Variants in IMMP2L observed in about 807,000 individuals in gnomAD.
The protein encoded by IMMP2L is mitochondrial inner membrane protease subunit 2.
In IMMP2L, 18 loss-of-function variants were observed where a neutral mutation model predicts 19.3. The observed-to-expected ratio is 0.93, with a 90% CI of 0.64 to 1.38. The LOEUF (loss-of-function observed/expected upper bound fraction) is 1.38. IMMP2L is among the 40% of genes most tolerant of loss of function. The pLI is 0.00. For synonymous variants in IMMP2L, 76 were observed against 73.0 expected (o/e 1.04, Z -0.21); for missense variants, 233 against 218.2 (o/e 1.07, Z -0.43).
At chr7:111,541,096 G>A (rs1459293397) in intron 1 of IMMP2L, among the ~76,000 whole-genome samples, 1 of 152,178 alleles carries the variant, frequency 6.6e-6, no homozygotes, top group African/African-American at 2.4e-5. Context: ...AATTTGAATA[G>A]ATGACCTTAG....
chr7:110,859,358 G>A (rs901647781), intron 5 of IMMP2L, among the ~76,000 whole-genome samples: 3 of 151,922 alleles, frequency 2.0e-5, no homozygotes, highest in African/African-American at 7.3e-5. Flanking sequence ...AAAATGTTAG[G>A]AATTCCGATA....
chr7:111,162,620 C>T (rs528628861), intron 3 of IMMP2L, among the ~76,000 whole-genome samples: 1 of 151,652 alleles, frequency 6.6e-6, no homozygotes, highest in South Asian at 2.1e-4. Flanking sequence ...AGGAGGATTC[C>T]AGATTTTGAG....
At chr7:111,240,538 C>T (rs1025770288) in intron 3 of IMMP2L, among the ~76,000 whole-genome samples, 2 of 151,828 alleles carry the variant, frequency 1.3e-5, no homozygotes, top group Admixed American at 6.6e-5. Context: ...GCAAATAAAA[C>T]GAAGAAGAAC....
intron 5 of IMMP2L, among the ~76,000 whole-genome samples, chr7:110,704,329 T>C (rs1173465760): frequency 6.6e-6 from 1 of 152,254 alleles, no homozygotes. Context: ...ATAATTTCCC[T>C]TAGGAATATC....
intron 3 of IMMP2L, among the ~76,000 whole-genome samples, chr7:111,227,917 C>T (rs114052487): frequency 0.019 from 2,899 of 152,012 alleles, 94 homozygotes; most frequent in African/African-American, 0.066. Context: ...TTTCAAAAAC[C>T]ACTTCTACTA....
At chr7:111,547,689 G>A (rs1849061676) in intron 1 of IMMP2L, among the ~76,000 whole-genome samples, 1 of 150,954 alleles carries the variant, frequency 6.6e-6, no homozygotes, top group Non-Finnish European at 1.5e-5. Context: ...CTGAGTAGCT[G>A]GGACTACCCA....
intron 5 of IMMP2L, among the ~76,000 whole-genome samples, chr7:110,865,040 T>G (rs1437043083): frequency 6.6e-6 from 1 of 152,062 alleles, no homozygotes; most frequent in Non-Finnish European, 1.5e-5. Flanking sequence ...TTTAGGATGT[T>G]CAAATATTTA....
At chr7:111,528,251 T>C (rs763319242) in intron 1 of IMMP2L, among the ~76,000 whole-genome samples, 2 of 152,112 alleles carry the variant, frequency 1.3e-5, no homozygotes, top group African/African-American at 2.4e-5. Context: ...CAGTAATAAG[T>C]ACCTAGCCCC....
At chr7:111,357,970 G>C (rs1828879888) in intron 3 of IMMP2L, among the ~76,000 whole-genome samples, 1 of 151,734 alleles carries the variant, frequency 6.6e-6, no homozygotes. Context: ...GCAAGCCACA[G>C]CAAGCCAAGG....
At chr7:111,140,392 G>T (rs1802758427) in intron 3 of IMMP2L, among the ~76,000 whole-genome samples, 2 of 152,264 alleles carry the variant, frequency 1.3e-5, no homozygotes, top group South Asian at 4.2e-4. Context: ...ACAAGATCAT[G>T]TCTTCCTGAG....
intron 5 of IMMP2L, among the ~76,000 whole-genome samples, chr7:110,814,353 A>C (rs1802286539): frequency 6.6e-6 from 1 of 151,830 alleles, no homozygotes. Context: ...ATTATGACTA[A>C]ACAATAGCTG....
intron 2 of IMMP2L, among the ~76,000 whole-genome samples, chr7:111,515,625 GTT>G (rs1277112633): frequency 1.3e-5 from 2 of 152,080 alleles, no homozygotes; most frequent in Non-Finnish European, 2.9e-5. Context: ...CATTTTTAAA[GTT>G]TTTAATGTTT....
intron 3 of IMMP2L, among the ~76,000 whole-genome samples, chr7:111,003,865 T>C (rs1027893834): frequency 2.6e-5 from 4 of 152,216 alleles, no homozygotes; most frequent in African/African-American, 9.6e-5. Flanking sequence ...CCATTGAATG[T>C]ATATCTAATT....
intron 3 of IMMP2L, among the ~76,000 whole-genome samples, chr7:111,032,658 C>T (rs1790945469): frequency 6.6e-6 from 1 of 152,090 alleles, no homozygotes; most frequent in South Asian, 2.1e-4. Context: ...CCCCTCCCTA[C>T]TAAAAATACA....
rs77675273 is a variant in IMMP2L, at chr7:111,359,025, A to G, written c.239+128213T>C. Among the ~76,000 whole-genome samples, 1,034 of 152,204 alleles carry G rather than the reference A, an allele frequency of 6.8e-3. 7 individuals are homozygous for G. The highest frequency in any genetic ancestry group is 0.01 in the Non-Finnish European group (700 of 68,000). ...AGAACAAAAGCTAAGCTAGAAAGCT[A>G]AAGTTTATTTCCTAGACTTCCTGAC... On this transcript the variant is annotated intron_variant, in intron 3 of 5. Transcript: ENST00000405709.
chr7:111,439,199 C>T (rs769639967), intron 3 of IMMP2L, among the ~76,000 whole-genome samples: 26 of 151,986 alleles, frequency 1.7e-4, no homozygotes, highest in Non-Finnish European at 2.6e-4. Context: ...ATCTACTCCA[C>T]GGCTAATCCC....
At chr7:111,251,852 A>G (rs1405443797) in intron 3 of IMMP2L, among the ~76,000 whole-genome samples, 1 of 152,022 alleles carries the variant, frequency 6.6e-6, no homozygotes, top group Non-Finnish European at 1.5e-5. Flanking sequence ...ACATTTATCT[A>G]TGTAACAAAC....
At chr7:111,491,837 A>G (rs2132320038) in intron 2 of IMMP2L, among the ~76,000 whole-genome samples, 2 of 151,958 alleles carry the variant, frequency 1.3e-5, no homozygotes, top group East Asian at 3.9e-4. Flanking sequence ...GAGGGAGACC[A>G]TCTGGGCTCT....
chr7:111,485,281 A>T (rs1232790484), intron 3 of IMMP2L, among the ~76,000 whole-genome samples: 1 of 152,140 alleles, frequency 6.6e-6, no homozygotes, highest in Non-Finnish European at 1.5e-5. Flanking sequence ...CATGACAAAG[A>T]TATAGCACAT....
Sources: allele counts gnomAD v4.1 joint callset (sites outside exome capture counted in the v4.1 genomes callset), GRCh38; gene constraint gnomAD v4.1.1; transcripts MANE v1.5; gene names NCBI Gene and HGNC (gene_info 2026-07-23, HGNC 2026-07-21).